Variants in WBP1L observed in about 807,000 individuals in gnomAD.
WBP1L encodes the protein WW domain binding protein 1 like.
In WBP1L, 17 loss-of-function variants were observed where a neutral mutation model predicts 33.7. The observed-to-expected ratio is 0.50, with a 90% confidence interval of 0.34 to 0.76. The LOEUF (loss-of-function observed/expected upper bound fraction) is 0.76. Among genes scored for constraint, WBP1L ranks in the 30% least tolerant of loss-of-function variants. The pLI, the probability that WBP1L is intolerant of heterozygous loss-of-function variation, is 0.01. For synonymous variants in WBP1L, 173 were observed against 190.8 expected (o/e 0.91, Z 0.77); for missense variants, 389 against 469.4 (o/e 0.83, Z 1.58).
chr10:102,796,054 T>G (rs527484995), intron 1 of WBP1L, among the ~76,000 whole-genome samples: 1 of 152,162 alleles, frequency 6.6e-6, no homozygotes, highest in Non-Finnish European at 1.5e-5. Flanking sequence ...TTTTCAGCTA[T>G]GATGGTGTGA....
Position 102,813,077 on chromosome 10 carries a change from C to G in WBP1L, c.838C>G (p.Arg280Gly). 1 of 1,613,834 alleles carries G rather than the reference C, an allele frequency of 6.2e-7. No homozygotes were observed. Among genetic ancestry groups the G allele is most frequent in the Non-Finnish European group, 8.5e-7 (1 of 1,180,020 alleles). ...GGGCATTGAAGTGTGTGTGTGCAAC[C>G]GGGGCCACCATGACGATGACCTCAA... is the stretch of plus-strand genomic sequence containing the variant. ...DSGIEVCVCN[R>G]GHHDDDLKEF... The change falls in exon 4 of 4, where the codon CGG (arginine) becomes GGG (glycine). Residue 280 changes from arginine (R) to glycine (G), a missense_variant. Physicochemically the swap from Arg to Gly is moderately radical, Grantham distance 125. Coordinates refer to ENST00000448841, the MANE Select transcript of WBP1L (RefSeq NM_001083913.2).
chr10:102,747,947 C>A (rs1001703941), intron 1 of WBP1L, among the ~76,000 whole-genome samples: 28 of 152,218 alleles, frequency 1.8e-4, no homozygotes, highest in African/African-American at 5.1e-4. Context: ...CCTTACCTTT[C>A]CTTTGCCAGG....
At chr10:102,754,341 T>C (rs1033404854) in intron 1 of WBP1L, among the ~76,000 whole-genome samples, 1 of 152,256 alleles carries the variant, frequency 6.6e-6, no homozygotes, top group African/African-American at 2.4e-5. Context: ...GCACTATGGC[T>C]GACTTTCCAT....
chr10:102,770,503 C>T (rs1843173786), intron 1 of WBP1L, among the ~76,000 whole-genome samples: 1 of 152,204 alleles, frequency 6.6e-6, no homozygotes, highest in African/African-American at 2.4e-5. Flanking sequence ...ACCTTCAGCC[C>T]TAGTCGCCGT....
At chr10:102,776,378 AT>A in intron 1 of WBP1L, 2 of 1,614,136 alleles carry the variant, frequency 1.2e-6, no homozygotes, top group Non-Finnish European at 1.7e-6. Context: ...AGTGTGGACG[AT>A]GCTCTTGCAG....
intron 2 of WBP1L, among the ~76,000 whole-genome samples, chr10:102,802,683 A>G (rs1291018724): frequency 1.3e-5 from 2 of 152,058 alleles, no homozygotes; most frequent in Non-Finnish European, 2.9e-5. Context: ...TTTAGTAGAG[A>G]TGGGGTTTCA....
chr10:102,764,753 T>C (rs972966007), intron 1 of WBP1L, among the ~76,000 whole-genome samples: 3 of 152,298 alleles, frequency 2.0e-5, no homozygotes, highest in Admixed American at 2.0e-4. Context: ...GGTTACCAAA[T>C]AGCCTAAGGA....
intron 1 of WBP1L, among the ~76,000 whole-genome samples, chr10:102,770,347 C>A (rs569722890): frequency 2.8e-3 from 426 of 152,272 alleles, no homozygotes; most frequent in Admixed American, 6.9e-3. Flanking sequence ...CTGTGTCTGC[C>A]CAGCAGCCTC....
chr10:102,776,278 C>G (rs896948777), intron 1 of WBP1L: 17 of 1,607,350 alleles, frequency 1.1e-5, no homozygotes, highest in African/African-American at 1.3e-5. Context: ...TAAAGAAGGC[C>G]GGTGAACCAG....
intron 1 of WBP1L, among the ~76,000 whole-genome samples, chr10:102,755,655 A>G (rs1842965967): frequency 6.6e-6 from 1 of 151,978 alleles, no homozygotes; most frequent in African/African-American, 2.4e-5. Context: ...GGCCTCCCAG[A>G]GTGCTGGGAT....
At chr10:102,791,210 C>G (rs573134467) in intron 1 of WBP1L, among the ~76,000 whole-genome samples, 1 of 152,320 alleles carries the variant, frequency 6.6e-6, no homozygotes, top group Admixed American at 6.5e-5. Flanking sequence ...TCATTTACTA[C>G]TGTGGTTTCT....
intron 2 of WBP1L, among the ~76,000 whole-genome samples, chr10:102,802,950 A>G (rs1245661211): frequency 4.6e-5 from 7 of 152,230 alleles, no homozygotes; most frequent in Non-Finnish European, 8.8e-5. Flanking sequence ...CGTATACTAC[A>G]TATATTAACT....
intron 1 of WBP1L, among the ~76,000 whole-genome samples, chr10:102,792,258 C>A (rs1228274385): frequency 6.6e-6 from 1 of 152,240 alleles, no homozygotes; most frequent in Non-Finnish European, 1.5e-5. Flanking sequence ...TCCTAGTAGC[C>A]ACTACCACGG....
chr10:102,776,437 T>A (rs767859329), intron 1 of WBP1L: 11 of 1,613,984 alleles, frequency 6.8e-6, no homozygotes, highest in Non-Finnish European at 9.3e-6. Context: ...TCTGCACGGA[T>A]CGGGTTTGGA....
chr10:102,802,780 G>T (rs1484707177), intron 2 of WBP1L, among the ~76,000 whole-genome samples: 1 of 152,178 alleles, frequency 6.6e-6, no homozygotes, highest in Non-Finnish European at 1.5e-5. Flanking sequence ...ACAGGCATGA[G>T]CCACCACACT....
chr10:102,801,120 C>A (rs111451887), intron 2 of WBP1L, among the ~76,000 whole-genome samples: 3 of 152,166 alleles, frequency 2.0e-5, no homozygotes, highest in Non-Finnish European at 4.4e-5. Flanking sequence ...TGGCCGGCAA[C>A]CTTTCCCACA....
In WBP1L at chr10:102,813,159, G is replaced by A. The variant is rs1157124330; in HGVS notation, c.920G>A (p.Ser307Asn). 5.0e-6 allele frequency: 8 copies of A among 1,614,016 alleles called. No homozygotes were observed. The highest frequency in any genetic ancestry group is 1.1e-5 in the South Asian group (1 of 91,076). ...ALDGPLDFCDSCHVRPPGDEE... is the reference protein window; with the variant it reads ...ALDGPLDFCDNCHVRPPGDEE... Reference sequence around the variant, plus strand: ...GATGGGCCCCTGGACTTCTGCGACAGCTGCCATGTGCGGCCCCCTGGTGAT... The same window carrying A: ...GATGGGCCCCTGGACTTCTGCGACAACTGCCATGTGCGGCCCCCTGGTGAT... The change falls in exon 4 of 4, where the codon AGC (serine) becomes AAC (asparagine). Residue 307 changes from serine to asparagine, a missense_variant. Ser to Asn is a conservative substitution (Grantham distance 46, BLOSUM62 1). Transcript: ENST00000448841.
Position 102,787,626 on chromosome 10 carries a change from A to G in WBP1L, c.91-10367A>G, listed in dbSNP as rs1043201693. ...AAAAGAGAGGGGAGACTAGACTAAC[A>G]CATGGGAAGCAATAGGCCAGGACTC... On this transcript the variant is annotated intron_variant, in intron 1 of 3. Transcript: ENST00000448841. Among the ~76,000 whole-genome samples, 4 of 152,124 alleles carry G rather than the reference A, an allele frequency of 2.6e-5. No homozygotes were observed. In the South Asian group the frequency reaches 8.3e-4, roughly 32 times the overall value.
chr10:102,755,393 A>G (rs1590166652), intron 1 of WBP1L, among the ~76,000 whole-genome samples: 1 of 150,922 alleles, frequency 6.6e-6, no homozygotes, highest in African/African-American at 2.4e-5. Flanking sequence ...AGTAGCTAGG[A>G]CTATTACTTT....
Sources: allele counts gnomAD v4.1 joint callset (sites outside exome capture counted in the v4.1 genomes callset), GRCh38; gene constraint gnomAD v4.1.1; transcripts MANE v1.5; gene names NCBI Gene and HGNC (gene_info 2026-07-23, HGNC 2026-07-21).